The following ROCK1 variants were observed in gnomAD, a reference collection of about 807,000 sequenced individuals.
ROCK1 encodes Rho associated coiled-coil containing protein kinase 1, also known as rho-associated protein kinase 1.
ROCK1 carries 36 observed loss-of-function variants against 196.8 expected under a neutral mutation model. The ratio of observed to expected loss-of-function variants is 0.18; its 90% CI spans 0.14 to 0.24. ROCK1 has a LOEUF of 0.24. Among genes scored for constraint, ROCK1 ranks in the 10% least tolerant of loss-of-function variants. The pLI is 1.00. For synonymous variants in ROCK1, 443 were observed against 515.9 expected (o/e 0.86, Z 1.91); for missense variants, 920 against 1,562.0 (o/e 0.59, Z 6.93).
intron 2 of ROCK1, among the ~76,000 whole-genome samples, chr18:21,059,451 C>T (rs1336894159): frequency 6.6e-6 from 1 of 152,194 alleles, no homozygotes; most frequent in Non-Finnish European, 1.5e-5. Context: ...TATGTCCCCA[C>T]AATCCTTAAG....
intron 4 of ROCK1, among the ~76,000 whole-genome samples, chr18:21,048,364 G>A (rs1331648273): frequency 6.6e-6 from 1 of 152,024 alleles, no homozygotes; most frequent in African/African-American, 2.4e-5. Context: ...ATAAGAGACA[G>A]ATAAATGAGG....
intron 1 of ROCK1, among the ~76,000 whole-genome samples, chr18:21,095,107 C>T (rs2036602635): frequency 6.8e-6 from 1 of 146,918 alleles, no homozygotes; most frequent in Admixed American, 6.8e-5. Flanking sequence ...TGAAAAGGTA[C>T]TCAGCACCAC....
At chr18:21,068,270 G>C (rs1228674868) in intron 2 of ROCK1, among the ~76,000 whole-genome samples, 6 of 152,126 alleles carry the variant, frequency 3.9e-5, no homozygotes, top group Non-Finnish European at 8.8e-5. Context: ...CTTGAACATT[G>C]AATTATCCTG....
chr18:20,960,559 CA>C (rs3838904), intron 27 of ROCK1: 24,225 of 162,668 alleles, frequency 0.15, 3,805 homozygotes, highest in African/African-American at 0.41. Context: ...AAATAATCAG[CA>C]AAAAAAAAGA....
intron 16 of ROCK1, among the ~76,000 whole-genome samples, chr18:20,998,823 G>A (rs2035695897): frequency 6.6e-6 from 1 of 151,778 alleles, no homozygotes; most frequent in East Asian, 1.9e-4. Flanking sequence ...AGGCCAGGCT[G>A]GTCTGGAACT....
At chr18:21,101,338 C>A (rs1210223558) in intron 1 of ROCK1, among the ~76,000 whole-genome samples, 1 of 152,212 alleles carries the variant, frequency 6.6e-6, no homozygotes, top group Non-Finnish European at 1.5e-5. Flanking sequence ...GAAGCTATCA[C>A]AGACTGATGC....
intron 27 of ROCK1, among the ~76,000 whole-genome samples, chr18:20,962,220 T>A (rs2035334082): frequency 6.6e-6 from 1 of 152,186 alleles, no homozygotes; most frequent in Admixed American, 6.5e-5. Context: ...TATTGATCAT[T>A]CACCAATATT....
intron 2 of ROCK1, among the ~76,000 whole-genome samples, chr18:21,062,349 C>T (rs1272796431): frequency 6.6e-6 from 1 of 151,694 alleles, no homozygotes; most frequent in Non-Finnish European, 1.5e-5. Flanking sequence ...GAAGGAGCTC[C>T]CAAAAGGCAA....
At chr18:21,008,337 G>A (rs550014916) in intron 13 of ROCK1, 143 bp from the exon 14 acceptor site, 19 of 569,724 alleles carry the variant, frequency 3.3e-5, no homozygotes, top group Non-Finnish European at 4.9e-5. Context: ...AACGCAAATA[G>A]TATCTCCTAA....
Position 21,064,958 on chromosome 18 carries a change from A to G in ROCK1, c.175+5574T>C, listed in dbSNP as rs577506091. Among the ~76,000 whole-genome samples the G allele has an allele frequency of 2.0e-5, 3 of 152,220 alleles. No homozygotes were observed. The South Asian group carries it at 6.2e-4, about 32-fold the overall frequency. On this transcript the variant is annotated intron_variant, in intron 2 of 32. Coordinates refer to ENST00000399799, the MANE Select transcript of ROCK1 (RefSeq NM_005406.3). ...AAGGGATATTTGGCAATGTCTAGAA[A>G]TATTTCTGGTGATCACAACTGGGGA...
chr18:21,072,670 A>C (rs895267385), intron 1 of ROCK1, among the ~76,000 whole-genome samples: 30 of 152,342 alleles, frequency 2.0e-4, no homozygotes, highest in African/African-American at 7.0e-4. Context: ...TGATAATCAA[A>C]GGATATACTT....
intron 1 of ROCK1, among the ~76,000 whole-genome samples, chr18:21,087,200 A>G (rs1336591805): frequency 1.3e-5 from 2 of 152,218 alleles, no homozygotes; most frequent in East Asian, 3.8e-4. Context: ...ACACTTTCAG[A>G]TAAGTCAAAA....
chr18:21,092,274 A>G (rs1287194998), intron 1 of ROCK1, among the ~76,000 whole-genome samples: 1 of 152,190 alleles, frequency 6.6e-6, no homozygotes, highest in Non-Finnish European at 1.5e-5. Flanking sequence ...CCCCACTAAA[A>G]AAATTGGATC....
At position 20,949,476 on chromosome 18, in the gene ROCK1, G is replaced by A. The variant is rs1005526246; in HGVS notation, c.*1908C>T. 6.6e-6 allele frequency: 1 copy of A among 152,320 alleles called. No homozygotes were observed. Among genetic ancestry groups the A allele is most frequent in the Non-Finnish European group, 1.5e-5 (1 of 68,078 alleles). The allele number at this position is 152,320 out of a possible 1,614,324, so 9.4% of individuals were successfully genotyped here. A position where few individuals can be genotyped will look rare whatever the true frequency, so the allele number is the denominator to read the frequency against. On this transcript the variant is annotated 3_prime_UTR_variant, in exon 33 of 33. Coordinates refer to ENST00000399799, the MANE Select transcript of ROCK1 (RefSeq NM_005406.3). ...CAGGTGGGTGCTGAGCACACAGTGG[G>A]TTTGCATCATAGGTGGGAGACGTTA...
In ROCK1 at chr18:20,948,984, T is replaced by C; in HGVS notation, c.*2400A>G. On this transcript the variant is annotated 3_prime_UTR_variant, in exon 33 of 33. Coordinates refer to ENST00000399799, the MANE Select transcript of ROCK1 (RefSeq NM_005406.3). ...TAGTGTGGATTCCTGATTATGGCAC[T>C]ATCTGGACCCTCTCAATATTGGTAT... 1 of 150,832 alleles carries C rather than the reference T, an allele frequency of 6.6e-6. No homozygotes were observed. The highest frequency in any genetic ancestry group is 1.5e-5 in the Non-Finnish European group (1 of 67,466). 9.3% of individuals were successfully genotyped at this position (150,832 alleles called of 1,614,324 possible). A position where few individuals can be genotyped will look rare whatever the true frequency, so the allele number is the denominator to read the frequency against.
chr18:21,026,630 T>G (rs1346983895), intron 10 of ROCK1, among the ~76,000 whole-genome samples: 1 of 152,032 alleles, frequency 6.6e-6, no homozygotes, highest in African/African-American at 2.4e-5. Context: ...TATCTTACAG[T>G]GGATTACTGA....
chr18:21,045,899 GTTTTTTTTTTTTTTTTT>G (rs34360056), intron 4 of ROCK1, among the ~76,000 whole-genome samples: 3 of 62,472 alleles, frequency 4.8e-5, no homozygotes, highest in Middle Eastern at 0.01. Flanking sequence ...AGTTTCAGCT[GTTTTTTTTTTTTTTTTT>G]TTTTTTTTTT....
chr18:21,043,924 C>T (rs2036133067), intron 6 of ROCK1, among the ~76,000 whole-genome samples, 178 bp downstream of exon 6: 1 of 152,002 alleles, frequency 6.6e-6, no homozygotes, highest in Non-Finnish European at 1.5e-5. Context: ...TAACAAGTTA[C>T]TAATACAACA....
intron 19 of ROCK1, among the ~76,000 whole-genome samples, chr18:20,985,765 G>A (rs1364891142): frequency 6.6e-6 from 1 of 152,022 alleles, no homozygotes; most frequent in Non-Finnish European, 1.5e-5. Flanking sequence ...GCTTTAATAG[G>A]TATCTCTAAT....
Sources: allele counts gnomAD v4.1 joint callset (sites outside exome capture counted in the v4.1 genomes callset), GRCh38; gene constraint gnomAD v4.1.1; transcripts MANE v1.5; gene names NCBI Gene and HGNC (gene_info 2026-07-23, HGNC 2026-07-21).